The following CACNA1E variants were observed in gnomAD, a reference collection of about 807,000 sequenced individuals.
The protein encoded by CACNA1E is calcium voltage-gated channel subunit alpha1 E, also known as voltage-dependent R-type calcium channel subunit alpha-1E.
CACNA1E carries 40 observed loss-of-function variants against 259.2 expected under a neutral mutation model. That is an observed-to-expected ratio of 0.15 (90% CI 0.12 to 0.20). The LOEUF (loss-of-function observed/expected upper bound fraction) is 0.20, where lower values mean the gene tolerates loss of function less well. CACNA1E is among the 10% of genes least tolerant of loss of function. The probability of loss-of-function intolerance (pLI) is 1.00; values close to 1 mark genes in which losing one functional copy is unlikely to be tolerated. For synonymous variants in CACNA1E, 1,104 were observed against 1,138.5 expected, an observed-to-expected ratio of 0.97 and a Z score of 0.61; for missense variants, 1,874 against 3,040.1, an observed-to-expected ratio of 0.62 and a Z score of 9.02.
intron 2 of CACNA1E, 132 bp from the exon 3 acceptor site, chr1:181,511,239 G>A: frequency 1.9e-6 from 2 of 1,037,584 alleles, no homozygotes; most frequent in East Asian, 2.4e-5. Context: ...GGGTCCCTTA[G>A]CACCCTTGCT....
chr1:181,608,692 T>C, intron 6 of CACNA1E, among the ~76,000 whole-genome samples: 1 of 152,224 alleles, frequency 6.6e-6, no homozygotes, highest in Non-Finnish European at 1.5e-5. Context: ...CTGGCATTTC[T>C]GAGCAGGATT....
chr1:181,497,914 T>C (rs1664906506), intron 1 of CACNA1E, among the ~76,000 whole-genome samples: 1 of 152,228 alleles, frequency 6.6e-6, no homozygotes, highest in Non-Finnish European at 1.5e-5. Flanking sequence ...CATCCTGGCC[T>C]GGGTCACTGG....
intron 1 of CACNA1E, among the ~76,000 whole-genome samples, chr1:181,319,841 T>C (rs1018597251): frequency 2.6e-5 from 4 of 152,220 alleles, no homozygotes; most frequent in Admixed American, 6.5e-5. Flanking sequence ...TTTTCCTGAC[T>C]CAGATTTCTA....
intron 12 of CACNA1E, among the ~76,000 whole-genome samples, chr1:181,719,101 TCA>T (rs1196102434): frequency 2.0e-5 from 3 of 152,258 alleles, no homozygotes; most frequent in African/African-American, 7.2e-5. Flanking sequence ...CACTTTAACC[TCA>T]GTTTCTTTGT....
chr1:181,773,153 G>A (rs747703571), intron 37 of CACNA1E, among the ~76,000 whole-genome samples: 6 of 152,194 alleles, frequency 3.9e-5, no homozygotes, highest in Non-Finnish European at 1.5e-5. Flanking sequence ...CTTATGTCCA[G>A]GCATTGCTAC....
intron 1 of CACNA1E, among the ~76,000 whole-genome samples, chr1:181,342,419 C>G (rs3845428): frequency 1.3e-5 from 2 of 151,626 alleles, no homozygotes; most frequent in African/African-American, 4.8e-5. Flanking sequence ...TCATTCATAA[C>G]AGTAAAAAAA....
chr1:181,562,716 CA>C (rs1649443897), intron 3 of CACNA1E, among the ~76,000 whole-genome samples: 1 of 152,178 alleles, frequency 6.6e-6, no homozygotes, highest in Non-Finnish European at 1.5e-5. Flanking sequence ...GAGAGGCAGA[CA>C]TCTCTCTGTT....
intron 3 of CACNA1E, among the ~76,000 whole-genome samples, chr1:181,520,834 A>AT (rs1445749833): frequency 1.3e-5 from 2 of 152,134 alleles, no homozygotes; most frequent in African/African-American, 4.8e-5. Flanking sequence ...CTAGATTTCC[A>AT]TTTTTTTGGT....
At chr1:181,359,436 A>G (rs1653698118) in intron 1 of CACNA1E, among the ~76,000 whole-genome samples, 1 of 152,204 alleles carries the variant, frequency 6.6e-6, no homozygotes, top group Non-Finnish European at 1.5e-5. Flanking sequence ...GGGCAAAACC[A>G]CAGAAGTTTG....
chr1:181,488,435 C>A (rs78338007), intron 1 of CACNA1E, among the ~76,000 whole-genome samples: 4,606 of 152,294 alleles, frequency 0.03, 88 homozygotes, highest in Middle Eastern at 0.078. Context: ...ATAGTGACTG[C>A]AGCTGGTACT....
intron 1 of CACNA1E, among the ~76,000 whole-genome samples, chr1:181,346,920 G>C (rs1252033583): frequency 6.6e-6 from 1 of 152,182 alleles, no homozygotes; most frequent in African/African-American, 2.4e-5. Flanking sequence ...GTTTTGAGGA[G>C]AGCATGCCCT....
At chr1:181,778,668 G>A (rs1660162201) in intron 38 of CACNA1E, among the ~76,000 whole-genome samples, 1 of 152,112 alleles carries the variant, frequency 6.6e-6, no homozygotes, top group Non-Finnish European at 1.5e-5. Context: ...ACTCTCTAAT[G>A]GGCTCCTGGG....
chr1:181,509,564 T>C (rs556467101), intron 1 of CACNA1E, among the ~76,000 whole-genome samples: 1 of 152,192 alleles, frequency 6.6e-6, no homozygotes, highest in Non-Finnish European at 1.5e-5. Context: ...AATTCCAACA[T>C]GCAGAATGAC....
At chr1:181,496,816 G>A (rs1266731576) in intron 1 of CACNA1E, among the ~76,000 whole-genome samples, 2 of 152,182 alleles carry the variant, frequency 1.3e-5, no homozygotes, top group Admixed American at 1.3e-4. Context: ...TAAAGGAACT[G>A]CCTCTCCTTT....
At chr1:181,755,918 A>G (rs1658052504) in intron 28 of CACNA1E, 38 bp from the exon 29 acceptor site, 2 of 1,601,852 alleles carry the variant, frequency 1.2e-6, no homozygotes, top group Non-Finnish European at 1.7e-6. Flanking sequence ...AATGAGCTAT[A>G]GTGAGGAGGC....
At chr1:181,769,572 G>C (rs771329) in intron 35 of CACNA1E, among the ~76,000 whole-genome samples, 68,468 of 150,942 alleles carry the variant, frequency 0.45, 16,337 homozygotes, top group East Asian at 0.54. Context: ...CACCATGCCC[G>C]GCTTGACTTG....
chr1:181,321,717 G>T (rs1650367683), intron 1 of CACNA1E, among the ~76,000 whole-genome samples: 1 of 152,150 alleles, frequency 6.6e-6, no homozygotes, highest in African/African-American at 2.4e-5. Flanking sequence ...ACCAGACCAA[G>T]AACAGCATGG....
At chr1:181,335,401 G>A (rs1019102400) in intron 1 of CACNA1E, among the ~76,000 whole-genome samples, 1 of 152,196 alleles carries the variant, frequency 6.6e-6, no homozygotes, top group Non-Finnish European at 1.5e-5. Context: ...CTCTGTGCAG[G>A]ACACTGTCAA....
At chr1:181,772,784 C>CTGAT (rs982664833) in intron 37 of CACNA1E, among the ~76,000 whole-genome samples, 1 of 152,066 alleles carries the variant, frequency 6.6e-6, no homozygotes, top group African/African-American at 2.4e-5. Context: ...AATTGACCAG[C>CTGAT]TGATAGATGA....
Sources: allele counts gnomAD v4.1 joint callset (sites outside exome capture counted in the v4.1 genomes callset), GRCh38; gene constraint gnomAD v4.1.1; transcripts MANE v1.5; gene names NCBI Gene and HGNC (gene_info 2026-07-23, HGNC 2026-07-21).